ARL10: variants seen among roughly 807,000 people sequenced by gnomAD.
ARL10 encodes the protein ARF like GTPase 10.
In ARL10, 23 loss-of-function variants were observed where a neutral mutation model predicts 26.1. The ratio of observed to expected loss-of-function variants is 0.88; its 90% CI spans 0.63 to 1.25. ARL10 has a LOEUF of 1.25. Ranked by LOEUF, ARL10 falls within the 50% of genes most tolerant of loss-of-function variation. The pLI is 0.00. For missense variants in ARL10, 300 were observed against 323.6 expected (o/e 0.93, Z 0.56); for synonymous variants, 138 against 149.1 (o/e 0.93, Z 0.54).
rs1419081152 is a variant in ARL10, at chr5:176,376,371, A to AG, written c.*4476_*4477insG. On this transcript the variant is annotated 3_prime_UTR_variant, in exon 4 of 4. Transcript: ENST00000310389. Reference sequence around the variant, plus strand: ...AGCGAGACTCCGTCTCAAAAAAAAAAAAAAAAAAAGGTTAGCATTCCACTC... The same window carrying AG: ...AGCGAGACTCCGTCTCAAAAAAAAAAGAAAAAAAAAGGTTAGCATTCCACTC... The AG allele has an allele frequency of 6.6e-6, 1 of 151,844 alleles. No homozygotes were observed. The highest frequency in any genetic ancestry group is 1.9e-4 in the East Asian group (1 of 5,178). The allele number at this position is 151,844 out of a possible 1,614,324, so 9.4% of individuals were successfully genotyped here. A position where few individuals can be genotyped will look rare whatever the true frequency, so the allele number is the denominator to read the frequency against.
chr5:176,384,747 G>A (rs1755698349), downstream of ARL10: 1 of 352,878 alleles, frequency 2.8e-6, no homozygotes, highest in Admixed American at 4.4e-5. Context: ...TCCACCCTGG[G>A]TGACAGAGCG....
intron 3 of ARL10, among the ~76,000 whole-genome samples, chr5:176,371,239 G>GCC (rs1768522518): frequency 6.6e-6 from 1 of 152,178 alleles, no homozygotes; most frequent in East Asian, 1.9e-4. Context: ...GCCAGGCGTG[G>GCC]TGGCTCACAC....
intron 1 of ARL10, chr5:176,387,059 G>T (rs1755905303): frequency 3.2e-6 from 2 of 618,270 alleles, no homozygotes; most frequent in South Asian, 2.0e-5. Context: ...TGCCCTGGAG[G>T]CTTTTTCTCT....
chr5:176,391,210 C>A (rs1756254473), downstream of ARL10, among the ~76,000 whole-genome samples: 1 of 152,258 alleles, frequency 6.6e-6, no homozygotes, highest in African/African-American at 2.4e-5. Context: ...ACTGTGGTGA[C>A]CCTTGGCATC....
At chr5:176,396,594 C>A in intron 1 of ARL10, 1 of 1,198,888 alleles carries the variant, frequency 8.3e-7, no homozygotes, top group Non-Finnish European at 1.2e-6. Flanking sequence ...GACAGACAGG[C>A]AGGCAGAAGG....
chr5:176,394,592 C>T (rs12659626), intron 1 of ARL10, among the ~76,000 whole-genome samples: 85,169 of 148,926 alleles, frequency 0.57, 25,524 homozygotes, highest in Non-Finnish European at 0.66. Context: ...CCAAGGTGGG[C>T]GGATCACGAG....
At chr5:176,391,270 G>T (rs762043133), downstream of ARL10, among the ~76,000 whole-genome samples, 1 of 152,166 alleles carries the variant, frequency 6.6e-6, no homozygotes, top group African/African-American at 2.4e-5. Context: ...GTAAGTGTTG[G>T]TGTCATGGTG....
chr5:176,396,992 C>G (rs969654051), intron 1 of ARL10, among the ~76,000 whole-genome samples: 7 of 152,134 alleles, frequency 4.6e-5, no homozygotes, highest in African/African-American at 1.7e-4. Flanking sequence ...TTCCAAAGCC[C>G]AAGTCCCAAG....
downstream of ARL10, chr5:176,383,932 A>T (rs1467627412): frequency 2.5e-5 from 37 of 1,470,114 alleles, no homozygotes; most frequent in Non-Finnish European, 3.2e-5. Context: ...AAAAATACAA[A>T]ATCATCAGAG....
intron 3 of ARL10, 72 bp downstream of exon 3, chr5:176,369,054 G>A (rs764629319): frequency 9.5e-6 from 15 of 1,575,280 alleles, no homozygotes; most frequent in East Asian, 7.0e-5. Flanking sequence ...GGCAAGGAGC[G>A]CTGCCTGGGC....
chr5:176,414,477 G>A, the ARL10 span, among the ~76,000 whole-genome samples: 2 of 150,226 alleles, frequency 1.3e-5, no homozygotes, highest in East Asian at 1.9e-4. Flanking sequence ...TGCTGCCCAG[G>A]CTGGAGTACA....
downstream of ARL10, chr5:176,386,862 T>A (rs755477679): frequency 1.9e-6 from 3 of 1,614,132 alleles, no homozygotes; most frequent in Non-Finnish European, 2.5e-6. Flanking sequence ...AGGGCTTCCG[T>A]ACAAGCTCTT....
At chr5:176,389,603 ATGTGTCGCTG>A, downstream of ARL10, 4 of 1,224,210 alleles carry the variant, frequency 3.3e-6, no homozygotes, top group Non-Finnish European at 4.5e-6. Context: ...TGAGAGGCCC[ATGTGTCGCTG>A]GGGAGGAAGT....
downstream of ARL10, among the ~76,000 whole-genome samples, chr5:176,391,012 G>A (rs916520637): frequency 2.0e-5 from 3 of 152,134 alleles, no homozygotes; most frequent in African/African-American, 4.8e-5. Flanking sequence ...CGCTCTTCCC[G>A]AGTGATTGTA....
chr5:176,385,464 C>G, downstream of ARL10: 1 of 623,832 alleles, frequency 1.6e-6, no homozygotes, highest in Non-Finnish European at 2.9e-6. Flanking sequence ...TTTGCCTCCC[C>G]ATTCCCAAAT....
downstream of ARL10, among the ~76,000 whole-genome samples, chr5:176,402,159 A>C (rs1756854020): frequency 6.6e-6 from 1 of 152,066 alleles, no homozygotes; most frequent in Admixed American, 6.6e-5. Context: ...AAAATTAGCC[A>C]GGTGTGGTGG....
In ARL10 at chr5:176,368,923, C is replaced by G. The variant is rs1416268214; in HGVS notation, c.502C>G (p.Leu168Val). The G allele has an allele frequency of 1.9e-6, 3 of 1,614,044 alleles. No individual in the cohort carries two copies. The highest frequency in any genetic ancestry group is 3.3e-5 in the Admixed American group (2 of 60,016). ...GCGGCTGCCCTGGGCCCGACAGGAG[C>G]TGCACAAGCTGCTGGACAAGGACCC... is the stretch of plus-strand genomic sequence containing the variant. ...RLRLPWARQELHKLLDKDPDL... is the reference protein window; with the variant it reads ...RLRLPWARQEVHKLLDKDPDL... Residue 168 changes from leucine to valine, a missense_variant, in exon 3 of 4, where the codon CTG becomes GTG. Coordinates refer to ENST00000310389, the MANE Select transcript of ARL10 (RefSeq NM_173664.6). This position sits in a 1 kb window ranked among gnomAD's most constrained non-coding sequence, Gnocchi z 4.1.
At chr5:176,388,620 G>A (rs1756095374) in exon 2 of ARL10, 2 of 1,415,032 alleles carry the variant, frequency 1.4e-6, no homozygotes, top group Admixed American at 1.8e-5. Flanking sequence ...TCCGGAAGGC[G>A]TGCACAAGGC....
downstream of ARL10, chr5:176,406,222 G>A (rs543918729): frequency 1.9e-5 from 19 of 1,003,676 alleles, no homozygotes; most frequent in Non-Finnish European, 2.1e-5. Flanking sequence ...GATCACCAGC[G>A]GCTAGAGCAA....
Sources: allele counts gnomAD v4.1 joint callset (sites outside exome capture counted in the v4.1 genomes callset), GRCh38; gene constraint gnomAD v4.1.1; non-coding constraint Gnocchi (gnomAD v3.1); transcripts MANE v1.5; gene names NCBI Gene and HGNC (gene_info 2026-07-23, HGNC 2026-07-21).